The following BAIAP2L1 variants were observed in gnomAD, a reference collection of about 807,000 sequenced individuals.
BAIAP2L1 encodes BAR/IMD domain-containing adapter protein 2-like 1.
A neutral mutation model predicts 66.3 loss-of-function variants in BAIAP2L1; 35 were observed. That is an observed-to-expected ratio of 0.53 (90% CI 0.40 to 0.70). BAIAP2L1 has a LOEUF of 0.70. Among genes scored for constraint, BAIAP2L1 ranks in the 30% least tolerant of loss-of-function variants. The probability of loss-of-function intolerance (pLI) is 0.00; values close to 1 mark genes in which losing one functional copy is unlikely to be tolerated. For synonymous variants in BAIAP2L1, 269 were observed against 248.7 expected, an observed-to-expected ratio of 1.08 and a Z score of -0.77; for missense variants, 622 against 656.9, an observed-to-expected ratio of 0.95 and a Z score of 0.58.
At chr7:98,345,217 C>T (rs1464842417) in intron 3 of BAIAP2L1, among the ~76,000 whole-genome samples, 2 of 152,194 alleles carry the variant, frequency 1.3e-5, no homozygotes, top group African/African-American at 2.4e-5. Context: ...CTTGACAAAA[C>T]CCTTACAGAA....
intron 2 of BAIAP2L1, among the ~76,000 whole-genome samples, chr7:98,360,026 G>T (rs1802233057): frequency 6.6e-6 from 1 of 151,604 alleles, no homozygotes; most frequent in African/African-American, 2.4e-5. Context: ...GGGTTCAAGT[G>T]ATTCTCCTGC....
intron 3 of BAIAP2L1, among the ~76,000 whole-genome samples, chr7:98,338,071 A>G (rs547614165): frequency 1.3e-5 from 2 of 152,214 alleles, no homozygotes; most frequent in East Asian, 3.8e-4. Context: ...CAAGGGTAAC[A>G]TTAGTACATT....
rs114305222 is a variant in BAIAP2L1, at chr7:98,308,252, C to T, written c.956-356G>A. 3,138 of 484,800 alleles carry T rather than the reference C, an allele frequency of 6.5e-3. 88 individuals are homozygous for T. Among genetic ancestry groups the T allele is most frequent in the African/African-American group, 0.056 (2,873 of 51,384 alleles). 30.0% of individuals were successfully genotyped at this position (484,800 alleles called of 1,614,324 possible). ...AACCGCTCCAACGCCAAACTGCCCT[C>T]GCAATTCCAATCGCAAAGGCAGGCT... On this transcript the variant is annotated intron_variant, in intron 9 of 13. Coordinates refer to ENST00000005260, the MANE Select transcript of BAIAP2L1 (RefSeq NM_018842.5).
chr7:98,317,149 G>A (rs146773922), intron 6 of BAIAP2L1, 70 bp downstream of exon 6: 37 of 1,600,744 alleles, frequency 2.3e-5, no homozygotes, highest in African/African-American at 8.0e-5. Flanking sequence ...CACCGCACCC[G>A]GCTAACCTCC....
chr7:98,324,231 G>A (rs375426821), intron 3 of BAIAP2L1, among the ~76,000 whole-genome samples: 2 of 152,200 alleles, frequency 1.3e-5, no homozygotes, highest in East Asian at 3.8e-4. Flanking sequence ...CTGAATAAGT[G>A]GCAATATACA....
chr7:98,349,993 A>G (rs1027684593), intron 3 of BAIAP2L1, among the ~76,000 whole-genome samples: 2 of 151,922 alleles, frequency 1.3e-5, no homozygotes, highest in African/African-American at 2.4e-5. Flanking sequence ...TGGTGTATGC[A>G]TATGTCCCAT....
intron 12 of BAIAP2L1, among the ~76,000 whole-genome samples, chr7:98,296,161 C>T (rs1800183128): frequency 6.6e-6 from 1 of 152,232 alleles, no homozygotes; most frequent in African/African-American, 2.4e-5. Flanking sequence ...ACAGCCATCT[C>T]TGTGCCAGGG....
At chr7:98,309,064 T>C (rs1412075614) in intron 9 of BAIAP2L1, 1 of 152,196 alleles carries the variant, frequency 6.6e-6, no homozygotes, top group Admixed American at 6.5e-5. Flanking sequence ...CTTTCTGCTT[T>C]ATTCTTGCAG....
Position 98,332,810 on chromosome 7 carries a change from A to C in BAIAP2L1, c.215-12512T>G, listed in dbSNP as rs374367117. Among the ~76,000 whole-genome samples the C allele has an allele frequency of 6.7e-3, 358 of 53,520 alleles. 1 individual carries two copies. The highest frequency in any genetic ancestry group is 0.016 in the African/African-American group (304 of 18,702). The allele number at this position is 53,520 out of a possible 152,430, so 35.1% of individuals were successfully genotyped here. ...GGTTACAGAATGAGACTTCGTCCCCAAAAAAAAAAAAAAAAAAAAAAGTTA... is the reference window on the plus strand; with the variant it reads ...GGTTACAGAATGAGACTTCGTCCCCCAAAAAAAAAAAAAAAAAAAAAGTTA... On this transcript the variant is annotated intron_variant, in intron 3 of 13. Transcript: ENST00000005260.
rs1290525595 is a variant in BAIAP2L1 at position 98,389,300 on chromosome 7, T to C, written c.51+11502A>G. On this transcript the variant is annotated intron_variant, in intron 1 of 13. Transcript: ENST00000005260. The stretch of plus-strand genomic sequence containing the variant: ...TTCCAACCCCTACCCCAATCTTTTC[T>C]GCACATTTGTTCGAGGCCTTATTTT... Among the ~76,000 whole-genome samples, 3 of 152,118 alleles carry C rather than the reference T, an allele frequency of 2.0e-5. No individual in the cohort carries two copies. In the South Asian group the frequency reaches 6.2e-4, roughly 32 times the overall value.
chr7:98,312,768 G>A (rs1031503419), intron 7 of BAIAP2L1, among the ~76,000 whole-genome samples: 1 of 152,174 alleles, frequency 6.6e-6, no homozygotes, highest in Non-Finnish European at 1.5e-5. Context: ...CTGGGTGAGT[G>A]GTGGGCAGTG....
rs531494189 is a variant in BAIAP2L1, at chr7:98,344,662, G to C, written c.214+10380C>G. ...CTTCTTCCTAAGAAGTAGGCTGGGCGTTGTGGCTCACGCCTGTAATCCAGC... is the reference window on the plus strand; with the variant it reads ...CTTCTTCCTAAGAAGTAGGCTGGGCCTTGTGGCTCACGCCTGTAATCCAGC... On this transcript the variant is annotated intron_variant, in intron 3 of 13. Transcript: ENST00000005260. Among the ~76,000 whole-genome samples the C allele has an allele frequency of 2.6e-5, 4 of 152,068 alleles. No homozygotes were observed. The South Asian group carries it at 8.3e-4, about 32-fold the overall frequency.
chr7:98,392,856 A>T (rs1803077285), intron 1 of BAIAP2L1, among the ~76,000 whole-genome samples: 1 of 129,050 alleles, frequency 7.7e-6, no homozygotes, highest in Non-Finnish European at 1.8e-5. Context: ...ACAGTGGTGC[A>T]GTCTCAGCTC....
At chr7:98,294,977 G>A (rs1321111610) in intron 12 of BAIAP2L1, among the ~76,000 whole-genome samples, 1 of 152,192 alleles carries the variant, frequency 6.6e-6, no homozygotes, top group Non-Finnish European at 1.5e-5. Flanking sequence ...CTGCACACAG[G>A]GAGTGGAGTC....
chr7:98,390,787 A>G (rs1375370919), intron 1 of BAIAP2L1, among the ~76,000 whole-genome samples: 7 of 152,080 alleles, frequency 4.6e-5, no homozygotes, highest in Admixed American at 4.6e-4. Context: ...ACTAGTGCTT[A>G]ATTGATATTG....
At chr7:98,308,833 A>T (rs1356792023) in intron 9 of BAIAP2L1, 2 of 153,346 alleles carry the variant, frequency 1.3e-5, no homozygotes, top group Admixed American at 6.5e-5. Context: ...ACACGCCGCC[A>T]TGCCAGGTTC....
intron 3 of BAIAP2L1, among the ~76,000 whole-genome samples, chr7:98,339,069 T>C (rs939885602): frequency 6.9e-6 from 1 of 145,966 alleles, no homozygotes; most frequent in Non-Finnish European, 1.5e-5. Flanking sequence ...CAAGACTCTG[T>C]CTTTAAAAAA....
intron 7 of BAIAP2L1, among the ~76,000 whole-genome samples, chr7:98,312,624 T>C (rs1800913533): frequency 6.6e-6 from 1 of 152,120 alleles, no homozygotes; most frequent in Non-Finnish European, 1.5e-5. Flanking sequence ...CAACCATCAC[T>C]TTCTCCCTCC....
At chr7:98,318,771 C>T (rs1314439912) in intron 5 of BAIAP2L1, among the ~76,000 whole-genome samples, 5 of 151,256 alleles carry the variant, frequency 3.3e-5, no homozygotes, top group Non-Finnish European at 7.4e-5. Flanking sequence ...GGTGAAACCC[C>T]GTCTCTACTA....
Sources: gnomAD v4.1 joint callset for allele counts (sites outside exome capture counted in the v4.1 genomes callset) on GRCh38, gnomAD v4.1.1 for gene constraint, MANE v1.5 for transcripts, NCBI Gene and HGNC (gene_info 2026-07-23, HGNC 2026-07-21) for gene names.